SHANK2: variants seen among roughly 807,000 people sequenced by gnomAD.
SHANK2 encodes SH3 and multiple ankyrin repeat domains protein 2.
Under a neutral mutation model 133.7 loss-of-function variants are expected in SHANK2, and 43 were observed. The observed-to-expected ratio is 0.32, with a 90% CI of 0.25 to 0.41. The LOEUF is 0.41. Ranked by LOEUF, SHANK2 falls within the 10% of genes least tolerant of loss-of-function variation. The pLI is 1.00. For missense variants in SHANK2, 1,994 were observed against 2,235.8 expected, an observed-to-expected ratio of 0.89 and a Z score of 2.18; for synonymous variants, 1,017 against 952.8, an observed-to-expected ratio of 1.07 and a Z score of -1.24.
At chr11:70,911,405 C>A (rs1021317479) in intron 10 of SHANK2, among the ~76,000 whole-genome samples, 7 of 152,012 alleles carry the variant, frequency 4.6e-5, no homozygotes, top group Non-Finnish European at 1.0e-4. Context: ...CAAAACCTGC[C>A]TTCTCAGAGC....
intron 17 of SHANK2, among the ~76,000 whole-genome samples, chr11:70,596,252 G>C (rs1183032595): frequency 6.6e-6 from 1 of 152,200 alleles, no homozygotes; most frequent in African/African-American, 2.4e-5. Flanking sequence ...GCCAGAGCCC[G>C]GACGCTTCCC....
rs546111321 is a variant in SHANK2, at chr11:70,739,379, G to A, written c.1778-40616C>T. The stretch of plus-strand genomic sequence containing the variant: ...CAGGAGGTGGACAATGAAGACAATC[G>A]TGTGGAGCAGCTGCTGCGGTGAGGC... On this transcript the variant is annotated intron_variant, in intron 14 of 25. Coordinates refer to ENST00000601538, the MANE Select transcript of SHANK2 (RefSeq NM_012309.5). The surrounding 1 kb of genome is among the most constrained non-coding windows in gnomAD (Gnocchi z 4.3). 1.4e-3 allele frequency among the ~76,000 whole-genome samples: 215 copies of A among 152,314 alleles called. 1 individual carries two copies. The highest frequency in any genetic ancestry group is 4.5e-3 in the African/African-American group (185 of 41,572).
chr11:70,659,977 T>C, intron 16 of SHANK2, 25 bp from the exon 17 acceptor site: 1 of 1,614,116 alleles, frequency 6.2e-7, no homozygotes, highest in Non-Finnish European at 8.5e-7. Flanking sequence ...AGCACCTGGT[T>C]ACAAGCCTGG....
chr11:70,751,490 G>A (rs767499167), intron 14 of SHANK2, among the ~76,000 whole-genome samples: 3 of 152,114 alleles, frequency 2.0e-5, no homozygotes, highest in Non-Finnish European at 2.9e-5. Context: ...TTTGTGGCCA[G>A]CAGGTCAACT....
At chr11:70,925,844 T>G (rs1270638919) in intron 10 of SHANK2, among the ~76,000 whole-genome samples, 1 of 152,334 alleles carries the variant, frequency 6.6e-6, no homozygotes, top group Admixed American at 6.5e-5. Context: ...AATACTGAGC[T>G]GTTGCTCCTA....
chr11:71,115,617 C>T (rs1057253518), intron 4 of SHANK2, among the ~76,000 whole-genome samples: 1 of 152,162 alleles, frequency 6.6e-6, no homozygotes, highest in African/African-American at 2.4e-5. Context: ...CTGGGCCTCA[C>T]GACCACTCCC....
At chr11:70,614,471 C>G (rs2060711530) in intron 17 of SHANK2, among the ~76,000 whole-genome samples, 1 of 152,150 alleles carries the variant, frequency 6.6e-6, no homozygotes, top group African/African-American at 2.4e-5. Context: ...CCCAACATGC[C>G]TGGCTAATTT....
intron 2 of SHANK2, among the ~76,000 whole-genome samples, chr11:71,211,474 G>T (rs1057026966): frequency 2.6e-5 from 4 of 151,788 alleles, no homozygotes; most frequent in African/African-American, 9.7e-5. Context: ...GGAGGTCAAA[G>T]CTGCAGTGAG....
chr11:71,201,508 G>A (rs1011637368), intron 2 of SHANK2, among the ~76,000 whole-genome samples: 5 of 152,204 alleles, frequency 3.3e-5, no homozygotes, highest in Admixed American at 2.6e-4. Flanking sequence ...GGCCACAGAC[G>A]GCGGTCACTG....
chr11:70,847,461 G>C (rs1465420443), intron 11 of SHANK2, among the ~76,000 whole-genome samples: 2 of 152,198 alleles, frequency 1.3e-5, no homozygotes, highest in East Asian at 3.9e-4. Flanking sequence ...TCTGCTGTCA[G>C]CGTTAAAAAT....
At chr11:70,898,311 C>T (rs893145867) in intron 10 of SHANK2, among the ~76,000 whole-genome samples, 11 of 145,188 alleles carry the variant, frequency 7.6e-5, no homozygotes, top group African/African-American at 2.9e-4. Context: ...CACACACACA[C>T]ATATATATAT....
intron 3 of SHANK2, among the ~76,000 whole-genome samples, chr11:71,142,599 G>A (rs1182329640): frequency 6.6e-6 from 1 of 152,076 alleles, no homozygotes; most frequent in African/African-American, 2.4e-5. Flanking sequence ...TATGAACAAG[G>A]AAAATCCAGT....
chr11:70,874,851 T>A (rs1555070887), intron 11 of SHANK2, among the ~76,000 whole-genome samples: 2 of 152,170 alleles, frequency 1.3e-5, no homozygotes, highest in Non-Finnish European at 2.9e-5. Context: ...ATCTACCGTG[T>A]AATAGCAGGA....
intron 11 of SHANK2, among the ~76,000 whole-genome samples, chr11:70,874,306 T>C (rs1949520668): frequency 6.6e-6 from 1 of 152,204 alleles, no homozygotes; most frequent in African/African-American, 2.4e-5. Context: ...CTATCTAATC[T>C]ATTTATATGT....
chr11:71,057,229 G>A (rs1465301717), intron 9 of SHANK2, among the ~76,000 whole-genome samples: 1 of 152,106 alleles, frequency 6.6e-6, no homozygotes, highest in Non-Finnish European at 1.5e-5. Context: ...AGCTACTCAG[G>A]AGGCTGAGGC....
chr11:70,820,733 C>A, intron 11 of SHANK2, 51 bp from the exon 12 acceptor site: 1 of 619,968 alleles, frequency 1.6e-6, no homozygotes, highest in South Asian at 1.8e-5. Flanking sequence ...GTGTCGTGGT[C>A]AGCTGGGTGG....
At chr11:70,805,866 A>C (rs1336544692) in intron 13 of SHANK2, among the ~76,000 whole-genome samples, 1 of 152,242 alleles carries the variant, frequency 6.6e-6, no homozygotes, top group Non-Finnish European at 1.5e-5. Context: ...TAACCAATAG[A>C]AATGATCTAA....
chr11:70,778,834 G>A (rs1947422699), intron 14 of SHANK2, among the ~76,000 whole-genome samples: 1 of 152,156 alleles, frequency 6.6e-6, no homozygotes, highest in Non-Finnish European at 1.5e-5. Context: ...GCCCAGTGTA[G>A]CACTAAGAAG....
chr11:70,477,492 A>C (rs370920285), intron 25 of SHANK2: 1 of 152,244 alleles, frequency 6.6e-6, no homozygotes, highest in South Asian at 2.1e-4. Flanking sequence ...AGGAAAAAAG[A>C]AAGAAAATAG....
Sources: allele counts gnomAD v4.1 joint callset (sites outside exome capture counted in the v4.1 genomes callset), GRCh38; gene constraint gnomAD v4.1.1; non-coding constraint Gnocchi (gnomAD v3.1); transcripts MANE v1.5; gene names NCBI Gene and HGNC (gene_info 2026-07-23, HGNC 2026-07-21).